Variants in OR6Y1 observed in about 807,000 individuals in gnomAD.
The protein encoded by OR6Y1 is olfactory receptor family 6 subfamily Y member 1.
OR6Y1 carries 1 observed loss-of-function variant against 0.4 expected under a neutral mutation model. The observed-to-expected ratio is 2.74, with a 90% confidence interval of 0.97 to 13.02. The LOEUF (loss-of-function observed/expected upper bound fraction) is 13.02, where lower values mean the gene tolerates loss of function less well. Among genes scored for constraint, OR6Y1 ranks in the 30% most tolerant of loss-of-function variants. OR6Y1 has a pLI of 0.12. For missense variants in OR6Y1, 480 were observed against 399.8 expected (o/e 1.20, Z -1.71); for synonymous variants, 173 against 141.1 (o/e 1.23, Z -1.60).
At chr1:158,550,529 A>G (rs779421011) in intron 1 of OR6Y1, among the ~76,000 whole-genome samples, 4 of 151,472 alleles carry the variant, frequency 2.6e-5, no homozygotes. Context: ...GAGGAAAACA[A>G]TTCAAAGCAC....
rs1265848117 is a variant in OR6Y1 at position 158,546,304 on chromosome 1, C to T, written c.*824G>A. ...GGAGGGAGGGAGGAGTGGGACATAA[C>T]TTTGCCCATAACAACTACCTATTTT... is the stretch of plus-strand genomic sequence containing the variant. On this transcript the variant is annotated 3_prime_UTR_variant, in exon 2 of 2. Transcript: ENST00000641622. 4 of 152,110 alleles carry T rather than the reference C, an allele frequency of 2.6e-5. No homozygotes were observed. The highest frequency in any genetic ancestry group is 9.7e-5 in the African/African-American group (4 of 41,414). The allele number at this position is 152,110 out of a possible 1,614,324, so 9.4% of individuals were successfully genotyped here.
chr1:158,553,660 A>G (rs1647759520), intron 1 of OR6Y1, among the ~76,000 whole-genome samples: 3 of 152,156 alleles, frequency 2.0e-5, no homozygotes, highest in African/African-American at 4.8e-5. Context: ...TATTTAACAT[A>G]AAACACACAT....
chr1:158,551,938 T>A (rs543782714), intron 1 of OR6Y1, among the ~76,000 whole-genome samples: 1 of 149,082 alleles, frequency 6.7e-6, no homozygotes, highest in African/African-American at 2.6e-5. Context: ...TTTCCAGGAA[T>A]GGAAATCCAG....
Position 158,546,976 on chromosome 1 carries a change from A to AAACTAGCCATACT in OR6Y1, c.*151_*152insAGTATGGCTAGTT, listed in dbSNP as rs1647553959. ...TTGAGAACATGTTTCTCCAGTCATG[A>AAACTAGCCATACT]TTGTGTATACACACACACACACATG... On this transcript the variant is annotated 3_prime_UTR_variant, in exon 2 of 2. Coordinates refer to ENST00000641622, the MANE Select transcript of OR6Y1 (RefSeq NM_001005189.2). 1 of 681,612 alleles carries AAACTAGCCATACT rather than the reference A, an allele frequency of 1.5e-6. No homozygotes were observed. The highest frequency in any genetic ancestry group is 1.8e-5 in the African/African-American group (1 of 55,088). 42.2% of individuals were successfully genotyped at this position (681,612 alleles called of 1,614,324 possible).
chr1:158,550,585 T>C (rs1430604810), intron 1 of OR6Y1, among the ~76,000 whole-genome samples: 1 of 151,732 alleles, frequency 6.6e-6, no homozygotes, highest in South Asian at 2.1e-4. Context: ...CATATGTATA[T>C]ATAGAATTAT....
chr1:158,548,008 A>G lies in OR6Y1; in HGVS notation c.98T>C (p.Phe33Ser), dbSNP rs1417256135. 1.9e-6 allele frequency: 3 copies of G among 1,613,404 alleles called. No homozygotes were observed. The African/African-American group carries it at 4.0e-5, about 22-fold the overall frequency. ...CAGATAGGTTGCCAGGAAAATGGAGAAAAAGAGAAGCTGGAAGGCTGGTCG... is the reference window on the plus strand; with the variant it reads ...CAGATAGGTTGCCAGGAAAATGGAGGAAAAGAGAAGCTGGAAGGCTGGTCG... ...PTRPAFQLLF[F>S]SIFLATYLLT... The change falls in exon 2 of 2, where the codon TTC (phenylalanine) becomes TCC (serine). Residue 33 changes from phenylalanine to serine, a missense_variant. Coordinates refer to ENST00000641622, the MANE Select transcript of OR6Y1 (RefSeq NM_001005189.2).
In OR6Y1 at chr1:158,547,111, A is replaced by G; in HGVS notation, c.*17T>C. On this transcript the variant is annotated 3_prime_UTR_variant, in exon 2 of 2. Transcript: ENST00000641622. ...GATCATCTCTCAGTTCAAGCCTGAA[A>G]GGAATCTATACATTTTTTAACTACT... 6.2e-7 allele frequency: 1 copy of G among 1,601,274 alleles called. No homozygotes were observed. The highest frequency in any genetic ancestry group is 1.1e-5 in the South Asian group (1 of 88,452).
Position 158,547,441 on chromosome 1 carries a change from G to A in OR6Y1, c.665C>T (p.Ser222Phe), listed in dbSNP as rs1375536548. The A allele has an allele frequency of 3.1e-6, 5 of 1,613,378 alleles. No individual in the cohort carries two copies. In the Admixed American group the frequency reaches 5.0e-5, roughly 16 times the overall value. ...IAIPLCVVVASYAAILATILR... is the reference protein window; with the variant it reads ...IAIPLCVVVAFYAAILATILR... ...GATGGTGGCAAGGATAGCAGCGTAG[G>A]ATGCCACCACAACACAAAGAGGAAT... The change falls in exon 2 of 2, where the codon TCC (serine) becomes TTC (phenylalanine). Residue 222 changes from serine to phenylalanine, a missense_variant. Coordinates refer to ENST00000641622, the MANE Select transcript of OR6Y1 (RefSeq NM_001005189.2).
chr1:158,552,394 C>T (rs530459046), intron 1 of OR6Y1, among the ~76,000 whole-genome samples: 1 of 152,012 alleles, frequency 6.6e-6, no homozygotes, highest in East Asian at 1.9e-4. Flanking sequence ...TAGTTTCACT[C>T]TGGAATCAGA....
At chr1:158,552,455 A>T (rs1330983927) in intron 1 of OR6Y1, among the ~76,000 whole-genome samples, 3 of 152,184 alleles carry the variant, frequency 2.0e-5, no homozygotes, top group African/African-American at 7.2e-5. Flanking sequence ...GAGAGGACCA[A>T]GAGGCTCTCT....
intron 1 of OR6Y1, among the ~76,000 whole-genome samples, chr1:158,552,517 A>G (rs1322957903): frequency 6.6e-6 from 1 of 151,998 alleles, no homozygotes; most frequent in Non-Finnish European, 1.5e-5. Flanking sequence ...CTAGTGGGCA[A>G]TGAGCCCAGG....
rs1438509337 is a variant in OR6Y1, at chr1:158,548,519, T to A, written c.-414A>T. On this transcript the variant is annotated 5_prime_UTR_variant, in exon 2 of 2. Transcript: ENST00000641622. ...CAACTACCCATTCTCTAGGGGCAAT[T>A]TGGGTGACTCTGGAGTGGTTGCATG... is the stretch of plus-strand genomic sequence containing the variant. The A allele has an allele frequency of 1.2e-5, 2 of 168,158 alleles. No individual in the cohort carries two copies. Among genetic ancestry groups the A allele is most frequent in the African/African-American group, 4.9e-5 (2 of 41,198 alleles). The allele number at this position is 168,158 out of a possible 1,614,324, so 10.4% of individuals were successfully genotyped here. A position where few individuals can be genotyped will look rare whatever the true frequency, so the allele number is the denominator to read the frequency against.
intron 1 of OR6Y1, among the ~76,000 whole-genome samples, chr1:158,550,024 C>A (rs1390850563): frequency 6.6e-6 from 1 of 151,656 alleles, no homozygotes; most frequent in Non-Finnish European, 1.5e-5. Flanking sequence ...TGATAGGATA[C>A]CAGTCTCCAG....
chr1:158,550,637 G>C (rs542503730), intron 1 of OR6Y1, among the ~76,000 whole-genome samples: 4 of 151,662 alleles, frequency 2.6e-5, no homozygotes, highest in Non-Finnish European at 5.9e-5. Context: ...GAGGTAGAGT[G>C]CTTTATCAAC....
At chr1:158,553,133 T>G (rs1647743889) in intron 1 of OR6Y1, among the ~76,000 whole-genome samples, 1 of 152,240 alleles carries the variant, frequency 6.6e-6, no homozygotes, top group Non-Finnish European at 1.5e-5. Context: ...ATGACTTGTA[T>G]TTTGAAATAA....
In OR6Y1 at chr1:158,545,158, G is replaced by T. The variant is rs144241144; in HGVS notation, c.*1970C>A. On this transcript the variant is annotated 3_prime_UTR_variant, in exon 2 of 2. Coordinates refer to ENST00000641622, the MANE Select transcript of OR6Y1 (RefSeq NM_001005189.2). Reference sequence around the variant, plus strand: ...ACTAATATACACTCCCAACAACATTGAATACGTGTTCCTTTTTCTCCACAA... The same window carrying T: ...ACTAATATACACTCCCAACAACATTTAATACGTGTTCCTTTTTCTCCACAA... 30 of 151,988 alleles carry T rather than the reference G, an allele frequency of 2.0e-4. No individual in the cohort carries two copies. Among genetic ancestry groups the T allele is most frequent in the African/African-American group, 6.5e-4 (27 of 41,440 alleles). 9.4% of individuals were successfully genotyped at this position (151,988 alleles called of 1,614,324 possible). A position where few individuals can be genotyped will look rare whatever the true frequency, so the allele number is the denominator to read the frequency against.
intron 1 of OR6Y1, among the ~76,000 whole-genome samples, chr1:158,553,704 T>C (rs1647760577): frequency 6.6e-6 from 1 of 152,170 alleles, no homozygotes; most frequent in Non-Finnish European, 1.5e-5. Context: ...ACCCACCACT[T>C]CTCGCATACA....
intron 1 of OR6Y1, among the ~76,000 whole-genome samples, chr1:158,552,057 T>C (rs1647716909): frequency 6.6e-6 from 1 of 152,042 alleles, no homozygotes; most frequent in East Asian, 1.9e-4. Flanking sequence ...CCTGGTTCTG[T>C]TTCTGAAAGT....
At chr1:158,553,332 C>G (rs1049298632) in intron 1 of OR6Y1, among the ~76,000 whole-genome samples, 6 of 152,062 alleles carry the variant, frequency 3.9e-5, no homozygotes, top group Non-Finnish European at 8.8e-5. Context: ...AAGTGAAATT[C>G]TAGTGTTCTA....
Sources: allele counts gnomAD v4.1 joint callset (sites outside exome capture counted in the v4.1 genomes callset), GRCh38; gene constraint gnomAD v4.1.1; transcripts MANE v1.5; gene names NCBI Gene and HGNC (gene_info 2026-07-23, HGNC 2026-07-21).